JARID2: variants seen among roughly 807,000 people sequenced by gnomAD.
JARID2 encodes the protein jumonji and AT-rich interaction domain containing 2.
A neutral mutation model predicts 125.6 loss-of-function variants in JARID2; 21 were observed. The observed-to-expected ratio is 0.17, with a 90% CI of 0.12 to 0.24. JARID2 has a LOEUF of 0.24. Ranked by LOEUF, JARID2 falls within the 10% of genes least tolerant of loss-of-function variation. The pLI, the probability that JARID2 is intolerant of heterozygous loss-of-function variation, is 1.00. For synonymous variants in JARID2, 736 were observed against 661.6 expected, an observed-to-expected ratio of 1.11 and a Z score of -1.73; for missense variants, 1,303 against 1,639.6, an observed-to-expected ratio of 0.79 and a Z score of 3.55.
intron 1 of JARID2, among the ~76,000 whole-genome samples, chr6:15,255,024 A>C (rs539081873): frequency 6.6e-6 from 1 of 151,470 alleles, no homozygotes; most frequent in African/African-American, 2.4e-5. Flanking sequence ...AAAACAAAAA[A>C]CAAAAAAAAA....
chr6:15,437,888 A>C (rs1039209301), intron 3 of JARID2, among the ~76,000 whole-genome samples: 2 of 152,104 alleles, frequency 1.3e-5, no homozygotes. Flanking sequence ...TTCTTAGAAG[A>C]GGGTGGAGAA....
At chr6:15,361,136 A>G (rs1168194887) in intron 1 of JARID2, among the ~76,000 whole-genome samples, 1 of 152,196 alleles carries the variant, frequency 6.6e-6, no homozygotes, top group Non-Finnish European at 1.5e-5. Context: ...CTTTGGATGT[A>G]TTCGACTCCC....
chr6:15,421,768 G>T (rs1766500714), intron 3 of JARID2, among the ~76,000 whole-genome samples: 1 of 152,154 alleles, frequency 6.6e-6, no homozygotes, highest in African/African-American at 2.4e-5. Context: ...TCCATAAGTT[G>T]TAGCAAATGT....
chr6:15,439,563 G>A (rs1767360843), intron 3 of JARID2, among the ~76,000 whole-genome samples: 1 of 152,200 alleles, frequency 6.6e-6, no homozygotes, highest in Non-Finnish European at 1.5e-5. Context: ...CTACAGACAA[G>A]GAAAATGGGC....
chr6:15,325,590 G>T (rs958813733), intron 1 of JARID2, among the ~76,000 whole-genome samples: 2 of 152,102 alleles, frequency 1.3e-5, no homozygotes, highest in Admixed American at 1.3e-4. Context: ...GTCAACTTGG[G>T]ACTTTGATTT....
intron 1 of JARID2, among the ~76,000 whole-genome samples, chr6:15,326,956 GT>G (rs1169853082): frequency 3.3e-5 from 5 of 152,214 alleles, no homozygotes; most frequent in African/African-American, 1.2e-4. Flanking sequence ...GATAAAACAT[GT>G]TTGTTTTTAA....
Position 15,513,041 on chromosome 6 carries a change from C to G in JARID2, c.3262C>G (p.Leu1088Val). Residue 1088 changes from leucine (L) to valine (V), a missense_variant, in exon 15 of 18, where the codon CTC becomes GTC. By Grantham distance (32) the Leu-to-Val change is conservative (BLOSUM62 1). Around this residue, in one of 11 missense-constraint regions of JARID2, gnomAD observed 190 missense variants for 341.4 expected, o/e 0.56. Transcript: ENST00000341776. Reference protein sequence around the residue: ...LSTISALLDELRDTELRQRRQ... With the variant: ...LSTISALLDEVRDTELRQRRQ... ...TACCATCTCAGCCCTCCTGGATGAGCTCAGGTAACAGACCCCCAGAGCCCA... is the reference window on the plus strand; with the variant it reads ...TACCATCTCAGCCCTCCTGGATGAGGTCAGGTAACAGACCCCCAGAGCCCA... The G allele has an allele frequency of 6.2e-7, 1 of 1,614,112 alleles. No homozygotes were observed. Among genetic ancestry groups the G allele is most frequent in the Non-Finnish European group, 8.5e-7 (1 of 1,180,020 alleles).
chr6:15,471,405 TGAA>T (rs1769070771), intron 5 of JARID2, among the ~76,000 whole-genome samples: 1 of 152,120 alleles, frequency 6.6e-6, no homozygotes, highest in Non-Finnish European at 1.5e-5. Context: ...GATTGAAGAG[TGAA>T]GAAATATGAA....
chr6:15,521,931 G>A lies in JARID2; in HGVS notation c.*1680G>A, dbSNP rs1382914131. On this transcript the variant is annotated 3_prime_UTR_variant, in exon 18 of 18. Transcript: ENST00000341776. ...AGCGCTGCTCTGCACCCCTCCCTTG[G>A]GAGGGAGACTTCATGTGGTTTATTG... The A allele has an allele frequency of 6.6e-6, 1 of 152,132 alleles. No individual in the cohort carries two copies. The highest frequency in any genetic ancestry group is 2.4e-5 in the African/African-American group (1 of 41,430). 9.4% of individuals were successfully genotyped at this position (152,132 alleles called of 1,614,324 possible).
chr6:15,402,795 G>T (rs567886030), intron 2 of JARID2, among the ~76,000 whole-genome samples: 1 of 152,210 alleles, frequency 6.6e-6, no homozygotes, highest in South Asian at 2.1e-4. Flanking sequence ...TATCCTAGGG[G>T]ATTCCAGGGA....
At chr6:15,309,218 C>G (rs1336580962) in intron 1 of JARID2, among the ~76,000 whole-genome samples, 1 of 152,180 alleles carries the variant, frequency 6.6e-6, no homozygotes, top group East Asian at 1.9e-4. Flanking sequence ...TGTTCATCAT[C>G]TTTGGGCTTA....
At chr6:15,515,195 G>A (rs1299673048) in intron 16 of JARID2, among the ~76,000 whole-genome samples, 6 of 151,802 alleles carry the variant, frequency 4.0e-5, no homozygotes, top group Admixed American at 2.0e-4. Flanking sequence ...GTACCACCAC[G>A]CCTGGTTAAC....
At chr6:15,275,764 T>C (rs1028481247) in intron 1 of JARID2, among the ~76,000 whole-genome samples, 2 of 152,104 alleles carry the variant, frequency 1.3e-5, no homozygotes, top group African/African-American at 4.8e-5. Flanking sequence ...AAGTTGAGAC[T>C]TTTGTCCCCT....
chr6:15,463,100 C>T (rs539110361), intron 4 of JARID2, among the ~76,000 whole-genome samples: 2 of 152,232 alleles, frequency 1.3e-5, no homozygotes, highest in South Asian at 4.1e-4. Flanking sequence ...TTTGCTAATG[C>T]ACTTGAATAA....
intron 3 of JARID2, among the ~76,000 whole-genome samples, chr6:15,425,975 C>A (rs1455077204): frequency 1.3e-5 from 2 of 152,134 alleles, no homozygotes; most frequent in Admixed American, 1.3e-4. Context: ...TCTTTGACGT[C>A]CTAATAGCAT....
At chr6:15,376,468 C>T (rs1414306119) in intron 2 of JARID2, among the ~76,000 whole-genome samples, 4 of 152,150 alleles carry the variant, frequency 2.6e-5, no homozygotes, top group African/African-American at 9.7e-5. Context: ...GTAATCCCAG[C>T]ACCTTGAAAG....
chr6:15,405,071 T>C (rs1765593858), intron 2 of JARID2, among the ~76,000 whole-genome samples: 1 of 152,202 alleles, frequency 6.6e-6, no homozygotes, highest in Non-Finnish European at 1.5e-5. Flanking sequence ...GCTTTAGAAG[T>C]TCCTTCAGCT....
chr6:15,267,967 G>A (rs1389808683), intron 1 of JARID2, among the ~76,000 whole-genome samples: 3 of 152,116 alleles, frequency 2.0e-5, no homozygotes, highest in African/African-American at 7.2e-5. Context: ...GCTTAACTGC[G>A]GCGGGGATCG....
chr6:15,300,533 T>C (rs1761569283), intron 1 of JARID2, among the ~76,000 whole-genome samples: 2 of 152,166 alleles, frequency 1.3e-5, no homozygotes, highest in African/African-American at 2.4e-5. Flanking sequence ...TGCAAGGCCT[T>C]CTTTAACCGC....
Sources: allele counts gnomAD v4.1 joint callset (sites outside exome capture counted in the v4.1 genomes callset), GRCh38; gene constraint gnomAD v4.1.1; regional missense constraint gnomAD v4.1.1; transcripts MANE v1.5; gene names NCBI Gene and HGNC (gene_info 2026-07-23, HGNC 2026-07-21).